The following ATG5 variants were observed in gnomAD, a reference collection of about 807,000 sequenced individuals.
ATG5 encodes the protein autophagy protein 5.
A neutral mutation model predicts 36.5 loss-of-function variants in ATG5; 14 were observed. The ratio of observed to expected loss-of-function variants is 0.38; its 90% CI spans 0.25 to 0.60. The LOEUF (loss-of-function observed/expected upper bound fraction) is 0.60, where lower values mean the gene tolerates loss of function less well. Ranked by LOEUF, ATG5 falls within the 20% of genes least tolerant of loss-of-function variation. The pLI, the probability that ATG5 is intolerant of heterozygous loss-of-function variation, is 0.60. For missense variants in ATG5, 195 were observed against 326.7 expected, an observed-to-expected ratio of 0.60 and a Z score of 3.11; for synonymous variants, 95 against 101.5, an observed-to-expected ratio of 0.94 and a Z score of 0.38.
intron 2 of ATG5, among the ~76,000 whole-genome samples, chr6:106,308,831 T>TTAAAATGATTCATCTGAGTCAATTAAAC (rs1490624682): frequency 4.6e-5 from 7 of 152,168 alleles, no homozygotes; most frequent in Non-Finnish European, 8.8e-5. Flanking sequence ...AACTTAAAAA[T>TTAAAATGATTCATCTGAGTCAATTAAAC]TAAAATGATT....
intron 5 of ATG5, among the ~76,000 whole-genome samples, chr6:106,276,013 G>C (rs1779631263): frequency 6.6e-6 from 1 of 152,154 alleles, no homozygotes; most frequent in South Asian, 2.1e-4. Context: ...GTATTTGCCA[G>C]CCCTCTCCTG....
chr6:106,285,083 G>A (rs1780025350), intron 4 of ATG5, among the ~76,000 whole-genome samples: 1 of 152,044 alleles, frequency 6.6e-6, no homozygotes, highest in African/African-American at 2.4e-5. Flanking sequence ...TTATCCCAGA[G>A]GCTCTGTTTT....
chr6:106,249,670 T>C (rs1464443277), intron 5 of ATG5, among the ~76,000 whole-genome samples: 2 of 152,252 alleles, frequency 1.3e-5, no homozygotes, highest in Non-Finnish European at 2.9e-5. Flanking sequence ...TAACTGTGTT[T>C]TGAGGAACTG....
chr6:106,253,781 C>T (rs1241969111), intron 5 of ATG5, among the ~76,000 whole-genome samples: 2 of 152,108 alleles, frequency 1.3e-5, no homozygotes, highest in Admixed American at 6.5e-5. Context: ...TTATGATGCA[C>T]ATTAATGATA....
intron 5 of ATG5, among the ~76,000 whole-genome samples, chr6:106,250,026 C>T (rs1056552483): frequency 2.0e-5 from 3 of 152,076 alleles, no homozygotes; most frequent in African/African-American, 7.2e-5. Flanking sequence ...TATTTTCTCC[C>T]GTTCTGTACA....
chr6:106,188,336 T>C (rs1240619152), intron 7 of ATG5, among the ~76,000 whole-genome samples: 1 of 152,216 alleles, frequency 6.6e-6, no homozygotes, highest in African/African-American at 2.4e-5. Context: ...TTTGAAATAT[T>C]TTAATATTCT....
At chr6:106,236,208 G>T (rs1238571260) in intron 6 of ATG5, among the ~76,000 whole-genome samples, 2 of 152,078 alleles carry the variant, frequency 1.3e-5, no homozygotes, top group African/African-American at 2.4e-5. Flanking sequence ...TGCTGTTTTA[G>T]GAATATAATG....
rs1775704648 is a variant in ATG5, at chr6:106,184,772, C to T, written c.*1768G>A. 6.6e-6 allele frequency: 1 copy of T among 152,300 alleles called. No individual in the cohort carries two copies. Among genetic ancestry groups the T allele is most frequent in the Non-Finnish European group, 1.5e-5 (1 of 68,020 alleles). 9.4% of individuals were successfully genotyped at this position (152,300 alleles called of 1,614,324 possible). ...TGTATAAAACTACTCTGGCTTTTTA[C>T]CACACTTTCTTCATCACAGCTTAGT... On this transcript the variant is annotated 3_prime_UTR_variant, in exon 8 of 8. Coordinates refer to ENST00000369076, the MANE Select transcript of ATG5 (RefSeq NM_004849.4).
In ATG5 at chr6:106,316,235, C is replaced by G. The variant is rs765899258; in HGVS notation, c.-27G>C. The G allele has an allele frequency of 2.5e-6, 4 of 1,577,942 alleles. No individual in the cohort carries two copies. In the South Asian group the frequency reaches 4.5e-5, roughly 18 times the overall value. ...CTTCCAGGAGTTAAAGCAGTACATACAGGCTAAATTCTTATTTCAACCAAA... is the reference window on the plus strand; with the variant it reads ...CTTCCAGGAGTTAAAGCAGTACATAGAGGCTAAATTCTTATTTCAACCAAA... On this transcript the variant is annotated 5_prime_UTR_variant, in exon 2 of 8. Transcript: ENST00000369076.
intron 6 of ATG5, among the ~76,000 whole-genome samples, chr6:106,229,725 G>A (rs1407978595): frequency 3.9e-5 from 6 of 152,156 alleles, no homozygotes; most frequent in South Asian, 2.1e-4. Context: ...ACAACCCATA[G>A]CCTTCCTATC....
chr6:106,316,969 T>C (rs1317381418), intron 1 of ATG5, among the ~76,000 whole-genome samples: 1 of 152,154 alleles, frequency 6.6e-6, no homozygotes, highest in Non-Finnish European at 1.5e-5. Flanking sequence ...CTGCAAACCA[T>C]GCTCACAGCC....
At chr6:106,229,390 G>C (rs982344666) in intron 6 of ATG5, among the ~76,000 whole-genome samples, 4 of 151,980 alleles carry the variant, frequency 2.6e-5, no homozygotes, top group African/African-American at 4.8e-5. Context: ...CAGAGAGAAA[G>C]AGACAGTGAG....
intron 5 of ATG5, among the ~76,000 whole-genome samples, chr6:106,268,156 G>T (rs1259335240): frequency 6.6e-6 from 1 of 152,076 alleles, no homozygotes; most frequent in East Asian, 1.9e-4. Flanking sequence ...CTAATATCTA[G>T]AATCTACAAG....
At chr6:106,199,292 T>C (rs1776326740) in intron 7 of ATG5, among the ~76,000 whole-genome samples, 1 of 152,208 alleles carries the variant, frequency 6.6e-6, no homozygotes, top group Non-Finnish European at 1.5e-5. Flanking sequence ...GCTCTGTTTA[T>C]AAAGGTGAAA....
chr6:106,312,756 A>G (rs1015057867), intron 2 of ATG5, among the ~76,000 whole-genome samples: 4 of 152,154 alleles, frequency 2.6e-5, no homozygotes, highest in Non-Finnish European at 5.9e-5. Context: ...CAACAACATC[A>G]AACACTGCTG....
intron 6 of ATG5, among the ~76,000 whole-genome samples, chr6:106,206,417 G>C (rs974048067): frequency 6.6e-6 from 1 of 152,128 alleles, no homozygotes; most frequent in African/African-American, 2.4e-5. Context: ...TCTAGGCTGG[G>C]CGTGGTGGAT....
intron 6 of ATG5, among the ~76,000 whole-genome samples, chr6:106,207,855 A>T (rs1210576385): frequency 6.6e-6 from 1 of 152,190 alleles, no homozygotes; most frequent in Non-Finnish European, 1.5e-5. Flanking sequence ...GCACTTTGGG[A>T]GGCCGAGGAG....
chr6:106,316,302 G>A (rs1047185301), intron 1 of ATG5, 36 bp from the exon 2 acceptor site: 2 of 788,410 alleles, frequency 2.5e-6, no homozygotes, highest in African/African-American at 3.6e-5. Flanking sequence ...TCAGATCCTT[G>A]CAACGATGAA....
chr6:106,293,140 ATATT>A, intron 3 of ATG5, 34 bp from the exon 4 acceptor site: 1 of 1,568,532 alleles, frequency 6.4e-7, no homozygotes, highest in Non-Finnish European at 8.8e-7. Context: ...GAGAAAATAA[ATATT>A]TAAAGTTATA....
Sources: allele counts gnomAD v4.1 joint callset (sites outside exome capture counted in the v4.1 genomes callset), GRCh38; gene constraint gnomAD v4.1.1; transcripts MANE v1.5; gene names NCBI Gene and HGNC (gene_info 2026-07-23, HGNC 2026-07-21).